The following CUX2 variants were observed in gnomAD, a reference collection of about 807,000 sequenced individuals.
CUX2 encodes the protein homeobox protein cut-like 2.
Under a neutral mutation model 144.8 loss-of-function variants are expected in CUX2, and 40 were observed. The ratio of observed to expected loss-of-function variants is 0.28; its 90% confidence interval spans 0.21 to 0.36. CUX2 has a LOEUF of 0.36. CUX2 is among the 10% of genes least tolerant of loss of function. The pLI, the probability that CUX2 is intolerant of heterozygous loss-of-function variation, is 1.00. For missense variants in CUX2, 1,615 were observed against 1,994.0 expected (o/e 0.81, Z 3.62); for synonymous variants, 827 against 875.6 (o/e 0.94, Z 0.98).
intron 4 of CUX2, among the ~76,000 whole-genome samples, chr12:111,274,402 G>A (rs897253690): frequency 2.0e-5 from 3 of 152,152 alleles, no homozygotes; most frequent in African/African-American, 4.8e-5. Flanking sequence ...GGTGAGGACT[G>A]TAAAGTCCTT....
At chr12:111,040,300 G>A (rs1869676448) in intron 1 of CUX2, among the ~76,000 whole-genome samples, 1 of 151,130 alleles carries the variant, frequency 6.6e-6, no homozygotes, top group Admixed American at 6.6e-5. Context: ...AAAAAAAACG[G>A]AAAAAAATAT....
chr12:111,286,608 C>T (rs1367734913), intron 4 of CUX2, among the ~76,000 whole-genome samples: 1 of 152,042 alleles, frequency 6.6e-6, no homozygotes, highest in Non-Finnish European at 1.5e-5. Context: ...CGCAGTGGCT[C>T]ATACCTGTAA....
intron 3 of CUX2, among the ~76,000 whole-genome samples, chr12:111,221,639 C>A (rs762516166): frequency 1.4e-4 from 21 of 152,178 alleles, no homozygotes; most frequent in Non-Finnish European, 2.6e-4. Context: ...TGTTCAGTTT[C>A]ATGGTAAGTA....
chr12:111,131,292 T>A lies in CUX2; in HGVS notation c.64-82908T>A, dbSNP rs553499315. The stretch of plus-strand genomic sequence containing the variant: ...CTTATTCACTATCACGAGAATAGCA[T>A]GGGAAAGACCAGCCCCTGTGATTCC... On this transcript the variant is annotated intron_variant, in intron 1 of 21. Coordinates refer to ENST00000261726, the MANE Select transcript of CUX2 (RefSeq NM_015267.4). 8.5e-5 allele frequency among the ~76,000 whole-genome samples: 13 copies of A among 152,232 alleles called. No individual in the cohort carries two copies. In the East Asian group the frequency reaches 1.9e-3, roughly 23 times the overall value.
Position 111,320,977 on chromosome 12 carries a change from GCAAA to G in CUX2, c.2766+205_2766+208del, listed in dbSNP as rs1205341594. Among the ~76,000 whole-genome samples the G allele has an allele frequency of 3.3e-5, 5 of 152,022 alleles. No individual in the cohort carries two copies. Among genetic ancestry groups the G allele is most frequent in the African/African-American group, 1.2e-4 (5 of 41,388 alleles). On this transcript the variant is annotated intron_variant, in intron 17 of 21. Coordinates refer to ENST00000261726, the MANE Select transcript of CUX2 (RefSeq NM_015267.4). The surrounding 1 kb of genome is among the most constrained non-coding windows in gnomAD (Gnocchi z 8.1). ...CCAGGAAATGCTTCCATCCTGGCCA[GCAAA>G]CAGCCACTTAACTCCCCTCCTCCAG... is the stretch of plus-strand genomic sequence containing the variant.
At chr12:111,334,398 G>A in intron 18 of CUX2, 43 bp from the exon 19 acceptor site, 4 of 1,531,062 alleles carry the variant, frequency 2.6e-6, no homozygotes, top group East Asian at 2.3e-5. Flanking sequence ...ATGTGTCTGT[G>A]CCAGATTATA....
At chr12:111,251,908 C>T (rs905706312) in intron 3 of CUX2, among the ~76,000 whole-genome samples, 2 of 152,086 alleles carry the variant, frequency 1.3e-5, no homozygotes, top group African/African-American at 4.8e-5. Context: ...GCCAGGATTA[C>T]AAGGCTCACA....
intron 1 of CUX2, among the ~76,000 whole-genome samples, chr12:111,170,407 C>A (rs1452122347): frequency 8.5e-5 from 12 of 141,318 alleles, no homozygotes; most frequent in Admixed American, 1.5e-4. Flanking sequence ...CCAGCCTGGG[C>A]AACAAGAGCA....
rs958068116 is a variant in CUX2, at chr12:111,186,995, C to A, written c.64-27205C>A. Among the ~76,000 whole-genome samples the A allele has an allele frequency of 2.6e-5, 4 of 152,078 alleles. No homozygotes were observed. The highest frequency in any genetic ancestry group is 9.7e-5 in the African/African-American group (4 of 41,410). On this transcript the variant is annotated intron_variant, in intron 1 of 21. Coordinates refer to ENST00000261726, the MANE Select transcript of CUX2 (RefSeq NM_015267.4). This position sits in a 1 kb window ranked among gnomAD's most constrained non-coding sequence, Gnocchi z 4.4. ...GGTTTTGCCATGTTGGCGAGGCTGG[C>A]TTCAAACTCCTGACCTCAAGTGATC... is the stretch of plus-strand genomic sequence containing the variant.
At chr12:111,100,201 GTA>G (rs1555269202) in intron 1 of CUX2, 7 of 341,736 alleles carry the variant, frequency 2.0e-5, no homozygotes, top group East Asian at 8.2e-5. Flanking sequence ...GTGTGTGTGT[GTA>G]TGTGTGTGTG....
intron 1 of CUX2, among the ~76,000 whole-genome samples, chr12:111,179,376 G>A (rs1359938305): frequency 6.6e-6 from 1 of 152,208 alleles, no homozygotes; most frequent in African/African-American, 2.4e-5. Flanking sequence ...AGGTGCACAG[G>A]ATGGGGACAC....
At chr12:111,090,303 T>A (rs1872486107) in intron 1 of CUX2, among the ~76,000 whole-genome samples, 1 of 152,168 alleles carries the variant, frequency 6.6e-6, no homozygotes, top group Admixed American at 6.5e-5. Context: ...AAATGGAGTC[T>A]CTCGCTCTGG....
In CUX2 at chr12:111,304,322, T is replaced by G; in HGVS notation, c.858+8T>G. On this transcript the variant is annotated splice_region_variant and intron_variant, in intron 10 of 21. Coordinates refer to ENST00000261726, the MANE Select transcript of CUX2 (RefSeq NM_015267.4). The surrounding 1 kb of genome is among the most constrained non-coding windows in gnomAD (Gnocchi z 4.7). ...CCCCAGGGGCCCAGTGGGGTAAGGA[T>G]GGGGTTGGGGAAGTGAGCAGGGAGG... 6.2e-7 allele frequency: 1 copy of G among 1,610,200 alleles called. No individual in the cohort carries two copies. Among genetic ancestry groups the G allele is most frequent in the African/African-American group, 1.3e-5 (1 of 74,894 alleles).
intron 1 of CUX2, among the ~76,000 whole-genome samples, chr12:111,170,082 C>A (rs1878422877): frequency 1.3e-5 from 2 of 152,108 alleles, no homozygotes; most frequent in Non-Finnish European, 2.9e-5. Flanking sequence ...AGTAACAGCC[C>A]CTATGCAGCA....
chr12:111,060,151 T>C, intron 1 of CUX2, among the ~76,000 whole-genome samples: 1 of 152,144 alleles, frequency 6.6e-6, no homozygotes, highest in East Asian at 1.9e-4. Flanking sequence ...CCCTATTGTT[T>C]ATGGGACAAA....
rs148762430 is a variant in CUX2 at position 111,102,790 on chromosome 12, C to T, written c.63+68550C>T. 6.9e-4 allele frequency among the ~76,000 whole-genome samples: 105 copies of T among 152,188 alleles called. 1 individual carries two copies. In the East Asian group the frequency reaches 0.012, roughly 18 times the overall value. ...TCTCTGAGCCTCTGTTTACCCACTT[C>T]GTAGTGGGTAGCAAAAGTTCAATGA... is the stretch of plus-strand genomic sequence containing the variant. On this transcript the variant is annotated intron_variant, in intron 1 of 21. Coordinates refer to ENST00000261726, the MANE Select transcript of CUX2 (RefSeq NM_015267.4).
At chr12:111,167,257 A>G (rs1878204296) in intron 1 of CUX2, among the ~76,000 whole-genome samples, 1 of 152,064 alleles carries the variant, frequency 6.6e-6, no homozygotes, top group African/African-American at 2.4e-5. Context: ...ACTGAAGCTT[A>G]GGGGCTTTTG....
At chr12:111,137,548 T>C (rs1046018700) in intron 1 of CUX2, among the ~76,000 whole-genome samples, 1 of 152,176 alleles carries the variant, frequency 6.6e-6, no homozygotes. Context: ...GGTCTTGTTC[T>C]GTCACCCAGG....
intron 1 of CUX2, among the ~76,000 whole-genome samples, chr12:111,139,758 G>A (rs1876171847): frequency 1.3e-5 from 2 of 152,204 alleles, no homozygotes; most frequent in Non-Finnish European, 2.9e-5. Flanking sequence ...CCAAGGTCAT[G>A]GCAAATAGGA....
Sources: allele counts gnomAD v4.1 joint callset (sites outside exome capture counted in the v4.1 genomes callset), GRCh38; gene constraint gnomAD v4.1.1; non-coding constraint Gnocchi (gnomAD v3.1); transcripts MANE v1.5; gene names NCBI Gene and HGNC (gene_info 2026-07-23, HGNC 2026-07-21).